Variants in TEX22 observed in about 807,000 individuals in gnomAD.
The protein encoded by TEX22 is testis-expressed protein 22.
A neutral mutation model predicts 11.3 loss-of-function variants in TEX22; 16 were observed. The observed-to-expected ratio is 1.42, with a 90% CI of 0.96 to 2.15. The LOEUF (loss-of-function observed/expected upper bound fraction) is 2.15, where lower values mean the gene tolerates loss of function less well. TEX22 is among the 30% of genes most tolerant of loss of function. TEX22 has a pLI of 0.00. For missense variants in TEX22, 220 were observed against 208.6 expected, an observed-to-expected ratio of 1.05 and a Z score of -0.34; for synonymous variants, 97 against 92.3, an observed-to-expected ratio of 1.05 and a Z score of -0.29.
intron 3 of TEX22, 29 bp downstream of exon 3, chr14:105,411,525 C>CGGGG: frequency 6.3e-5 from 66 of 1,055,438 alleles, no homozygotes; most frequent in Non-Finnish European, 6.8e-5. Flanking sequence ...CTCCCCGCCC[C>CGGGG]GTCCCCGCCC....
rs374970705 is a variant in TEX22 at position 105,405,567 on chromosome 14, C to T, written c.151-5801C>T. ...CCGCAGGGTGAAGATGGACACCAAACGGCCGTGCATCAGTTCACATTGCAT... is the reference window on the plus strand; with the variant it reads ...CCGCAGGGTGAAGATGGACACCAAATGGCCGTGCATCAGTTCACATTGCAT... On this transcript the variant is annotated intron_variant, in intron 2 of 3. Coordinates refer to ENST00000451127, the MANE Select transcript of TEX22 (RefSeq NM_001195082.2). Among the ~76,000 whole-genome samples, 44 of 152,298 alleles carry T rather than the reference C, an allele frequency of 2.9e-4. No homozygotes were observed. The East Asian group carries it at 3.3e-3, about 11-fold the overall frequency.
chr14:105,412,461 G>A lies in TEX22; in HGVS notation c.*628G>A, dbSNP rs1435458686. 1.3e-5 allele frequency: 2 copies of A among 152,354 alleles called. No homozygotes were observed. The highest frequency in any genetic ancestry group is 1.9e-4 in the East Asian group (1 of 5,198). 9.4% of individuals were successfully genotyped at this position (152,354 alleles called of 1,614,324 possible). A position where few individuals can be genotyped will look rare whatever the true frequency, so the allele number is the denominator to read the frequency against. On this transcript the variant is annotated 3_prime_UTR_variant, in exon 4 of 4. Transcript: ENST00000451127. This position sits in a 1 kb window ranked among gnomAD's most constrained non-coding sequence, Gnocchi z 5.8. Reference sequence around the variant, plus strand: ...CTGGACAGCGATGCTGGTGGTGGACGAGGGCCAAGAGGGTATCCTGCGCAG... The same window carrying A: ...CTGGACAGCGATGCTGGTGGTGGACAAGGGCCAAGAGGGTATCCTGCGCAG...
intron 2 of TEX22, among the ~76,000 whole-genome samples, chr14:105,409,747 C>T (rs181886393): frequency 3.6e-4 from 53 of 149,220 alleles, no homozygotes; most frequent in Non-Finnish European, 4.5e-4. Flanking sequence ...TTCTTTTTCT[C>T]TCTTTCTCCT....
intron 2 of TEX22, among the ~76,000 whole-genome samples, chr14:105,401,142 G>A (rs1361536575): frequency 6.6e-6 from 1 of 152,218 alleles, no homozygotes; most frequent in Non-Finnish European, 1.5e-5. Context: ...CAGGAGAGCA[G>A]GCACATGTCT....
intron 2 of TEX22, among the ~76,000 whole-genome samples, chr14:105,403,402 T>C (rs1176100222): frequency 6.6e-6 from 1 of 152,182 alleles, no homozygotes; most frequent in Admixed American, 6.6e-5. Flanking sequence ...GGTTGTGACC[T>C]GTAAGGAATG....
intron 2 of TEX22, 26 bp downstream of exon 2, chr14:105,399,516 GGCTACTC>G: frequency 6.6e-7 from 1 of 1,516,976 alleles, no homozygotes. Flanking sequence ...CCCTGGCCGA[GGCTACTC>G]TCCTGTCCCC....
At position 105,411,801 on chromosome 14, in the gene TEX22, A is replaced by G; in HGVS notation, c.421A>G (p.Thr141Ala). The change falls in exon 4 of 4, where the codon ACT becomes GCT. Residue 141 changes from threonine (T) to alanine (A), a missense_variant. Physicochemically the swap from Thr to Ala is moderately conservative, Grantham distance 58. Coordinates refer to ENST00000451127, the MANE Select transcript of TEX22 (RefSeq NM_001195082.2). ...CAGTGCGCCTTTCTGGCATAATGCG[A>G]CTTTCGAGGCCTCGAGGTCACCCCC... is the stretch of plus-strand genomic sequence containing the variant. ...ARSAPFWHNA[T>A]FEASRSPPS 1 of 1,464,870 alleles carries G rather than the reference A, an allele frequency of 6.8e-7. No individual in the cohort carries two copies. Among genetic ancestry groups the G allele is most frequent in the East Asian group, 2.9e-5 (1 of 34,714 alleles). The allele number at this position is 1,464,870 out of a possible 1,614,324, so 90.7% of individuals were successfully genotyped here. A position where few individuals can be genotyped will look rare whatever the true frequency, so the allele number is the denominator to read the frequency against.
rs117766674 is a variant in TEX22, at chr14:105,403,021, C to T, written c.150+3531C>T. 7.2e-5 allele frequency among the ~76,000 whole-genome samples: 11 copies of T among 152,190 alleles called. No homozygotes were observed. In the East Asian group the frequency reaches 7.7e-4, roughly 11 times the overall value. On this transcript the variant is annotated intron_variant, in intron 2 of 3. Coordinates refer to ENST00000451127, the MANE Select transcript of TEX22 (RefSeq NM_001195082.2). ...ATCTCATGCAGGAAGGAGTTTGAGG[C>T]GAGCTGCAGAGTGCAGTGAGAAGAG...
intron 2 of TEX22, among the ~76,000 whole-genome samples, chr14:105,408,767 C>A (rs1471326551): frequency 6.6e-6 from 1 of 152,120 alleles, no homozygotes; most frequent in African/African-American, 2.4e-5. Flanking sequence ...TCTGTCCATG[C>A]CCCACCGCAG....
chr14:105,408,939 TC>T (rs1318341327), intron 2 of TEX22, among the ~76,000 whole-genome samples: 1 of 150,296 alleles, frequency 6.7e-6, no homozygotes, highest in African/African-American at 2.5e-5. Flanking sequence ...ATCATTGTGT[TC>T]CCCCCTCCTC....
In TEX22 at chr14:105,411,400, C is replaced by T. The variant is rs996919319; in HGVS notation, c.183C>T (p.Gly61=). The change falls in exon 3 of 4, where the codon GGC becomes GGT. Residue 61 remains glycine (G), a synonymous_variant. Transcript: ENST00000451127. ...AGCCGCCGGAACGCAGGCGCCCGGG[C>T]CGCCGCTGGAGCGTCAGCATCGACG... is the stretch of plus-strand genomic sequence containing the variant. ...VCEPPERRRP[G]RRWSVSIDER... is the part of the protein sequence containing the mutation. The T allele has an allele frequency of 3.6e-5, 47 of 1,319,954 alleles. No individual in the cohort carries two copies. The highest frequency in any genetic ancestry group is 4.5e-5 in the Non-Finnish European group (47 of 1,035,598). 81.8% of individuals were successfully genotyped at this position (1,319,954 alleles called of 1,614,324 possible). A position where few individuals can be genotyped will look rare whatever the true frequency, so the allele number is the denominator to read the frequency against.
At chr14:105,406,079 A>G (rs930979488) in intron 2 of TEX22, among the ~76,000 whole-genome samples, 6 of 152,244 alleles carry the variant, frequency 3.9e-5, no homozygotes, top group Non-Finnish European at 5.9e-5. Context: ...TTGGCTGTAT[A>G]GTTAGAAGAC....
At position 105,411,735 on chromosome 14, in the gene TEX22, T is replaced by TCCACCGAGTCCA; in HGVS notation, c.359_370dup (p.Thr120_Thr123dup). The TCCACCGAGTCCA allele has an allele frequency of 1.3e-6, 2 of 1,520,450 alleles. No individual in the cohort carries two copies. The highest frequency in any genetic ancestry group is 1.8e-6 in the Non-Finnish European group (2 of 1,138,844). The allele number at this position is 1,520,450 out of a possible 1,614,324, so 94.2% of individuals were successfully genotyped here. On this transcript the variant is annotated inframe_insertion, in exon 4 of 4. Coordinates refer to ENST00000451127, the MANE Select transcript of TEX22 (RefSeq NM_001195082.2). ...CGTGCTCCTTCCCCACCCGCTGAGG[T>TCCACCGAGTCCA]CCACCGAGTCCACCAACGCCTTCCA...
chr14:105,401,145 A>G (rs1441566826), intron 2 of TEX22, among the ~76,000 whole-genome samples: 1 of 152,248 alleles, frequency 6.6e-6, no homozygotes, highest in African/African-American at 2.4e-5. Flanking sequence ...GAGAGCAGGC[A>G]CATGTCTCTT....
Position 105,411,421 on chromosome 14 carries a change from C to A in TEX22, c.204C>A (p.Ile68=). The A allele has an allele frequency of 8.0e-7, 1 of 1,251,614 alleles. No homozygotes were observed. The highest frequency in any genetic ancestry group is 3.3e-5 in the South Asian group (1 of 30,604). The allele number at this position is 1,251,614 out of a possible 1,614,324, so 77.5% of individuals were successfully genotyped here. The part of the protein sequence containing the change: ...RRPGRRWSVS[I]DERRRLATLG... ...CGGGCCGCCGCTGGAGCGTCAGCATCGACGAGCGCCGGCGGCTGGCCACGC... is the reference window on the plus strand; with the variant it reads ...CGGGCCGCCGCTGGAGCGTCAGCATAGACGAGCGCCGGCGGCTGGCCACGC... Residue 68 remains isoleucine, a synonymous_variant, in exon 3 of 4, where the codon ATC becomes ATA. Coordinates refer to ENST00000451127, the MANE Select transcript of TEX22 (RefSeq NM_001195082.2).
Position 105,400,304 on chromosome 14 carries a change from A to G in TEX22, c.150+814A>G, listed in dbSNP as rs139528055. 6.1e-3 allele frequency among the ~76,000 whole-genome samples: 936 copies of G among 152,340 alleles called. 13 individuals are homozygous for G. The highest frequency in any genetic ancestry group is 0.021 in the African/African-American group (862 of 41,562). On this transcript the variant is annotated intron_variant, in intron 2 of 3. Coordinates refer to ENST00000451127, the MANE Select transcript of TEX22 (RefSeq NM_001195082.2). The stretch of plus-strand genomic sequence containing the variant: ...CGCTGAGGCCCCTTTGTACCCTCTC[A>G]GTCATGTCCTTCAGGCCCAAATGCT...
intron 2 of TEX22, among the ~76,000 whole-genome samples, chr14:105,402,047 A>G (rs1465400139): frequency 1.3e-5 from 2 of 152,140 alleles, no homozygotes; most frequent in African/African-American, 2.4e-5. Context: ...CTAGCTGGGC[A>G]TGGTGGTGGG....
intron 2 of TEX22, among the ~76,000 whole-genome samples, 164 bp downstream of exon 2, chr14:105,399,654 A>T (rs1456345835): frequency 6.6e-6 from 1 of 152,206 alleles, no homozygotes; most frequent in Non-Finnish European, 1.5e-5. Flanking sequence ...TCTCTTCCCC[A>T]TGGCCCTGGA....
chr14:105,399,632 G>C, intron 2 of TEX22, 142 bp downstream of exon 2: 2 of 961,026 alleles, frequency 2.1e-6, no homozygotes, highest in Non-Finnish European at 3.0e-6. Context: ...CAGATGGCTG[G>C]ACTCAGGAGG....
Sources: allele counts gnomAD v4.1 joint callset (sites outside exome capture counted in the v4.1 genomes callset), GRCh38; gene constraint gnomAD v4.1.1; non-coding constraint Gnocchi (gnomAD v3.1); transcripts MANE v1.5; gene names NCBI Gene and HGNC (gene_info 2026-07-23, HGNC 2026-07-21).